Variants in DOCK4 observed in about 807,000 individuals in gnomAD.
DOCK4 encodes the protein dedicator of cytokinesis protein 4.
DOCK4 carries 97 observed loss-of-function variants against 268.1 expected under a neutral mutation model. That is an observed-to-expected ratio of 0.36 (90% confidence interval 0.31 to 0.43). The LOEUF is 0.43. Ranked by LOEUF, DOCK4 falls within the 20% of genes least tolerant of loss-of-function variation. The pLI is 1.00. For missense variants in DOCK4, 2,145 were observed against 2,455.7 expected, an observed-to-expected ratio of 0.87 and a Z score of 2.67; for synonymous variants, 954 against 887.2, an observed-to-expected ratio of 1.08 and a Z score of -1.34.
chr7:112,069,104 C>A (rs1460412608), intron 1 of DOCK4, among the ~76,000 whole-genome samples: 1 of 152,090 alleles, frequency 6.6e-6, no homozygotes, highest in Admixed American at 6.6e-5. Context: ...ATTCTGAGTG[C>A]CCAAATGATT....
chr7:111,942,597 G>A, intron 10 of DOCK4, among the ~76,000 whole-genome samples: 1 of 151,980 alleles, frequency 6.6e-6, no homozygotes, highest in East Asian at 1.9e-4. Flanking sequence ...GCTCTGTCCT[G>A]ACTCATCCCG....
chr7:111,750,372 CCAGT>C (rs1187547117), intron 42 of DOCK4, among the ~76,000 whole-genome samples: 2 of 152,150 alleles, frequency 1.3e-5, no homozygotes, highest in South Asian at 2.1e-4. Context: ...CCTAAAGTCC[CCAGT>C]CAAAGGATTT....
At chr7:112,124,071 C>G (rs778065795) in intron 1 of DOCK4, among the ~76,000 whole-genome samples, 1 of 151,786 alleles carries the variant, frequency 6.6e-6, no homozygotes, top group African/African-American at 2.4e-5. Flanking sequence ...GTTGTCCAGG[C>G]TGGAATGCAG....
intron 1 of DOCK4, among the ~76,000 whole-genome samples, chr7:112,194,178 C>G (rs1446660050): frequency 6.6e-6 from 1 of 152,130 alleles, no homozygotes. Flanking sequence ...TAAATAAAAC[C>G]TCTTCAAATT....
chr7:111,732,037 T>A (rs1413181828), intron 52 of DOCK4, among the ~76,000 whole-genome samples, 189 bp downstream of exon 52: 1 of 152,218 alleles, frequency 6.6e-6, no homozygotes, highest in Non-Finnish European at 1.5e-5. Flanking sequence ...AATGGCTGCG[T>A]TTGTGCAGGA....
At chr7:111,930,308 T>C (rs181580777) in intron 12 of DOCK4, among the ~76,000 whole-genome samples, 2 of 152,302 alleles carry the variant, frequency 1.3e-5, no homozygotes, top group Admixed American at 1.3e-4. Context: ...TAATGTACCT[T>C]TGCAACATAA....
chr7:111,800,431 C>A (rs28718447), intron 30 of DOCK4, among the ~76,000 whole-genome samples: 3,988 of 152,230 alleles, frequency 0.026, 155 homozygotes, highest in African/African-American at 0.089. Context: ...GCCTAAAATT[C>A]CTCTCTAATG....
chr7:111,822,231 CA>C (rs1354802982), intron 27 of DOCK4, 130 bp downstream of exon 27: 9 of 672,726 alleles, frequency 1.3e-5, no homozygotes, highest in South Asian at 1.0e-4. Flanking sequence ...CAAGTGGTAA[CA>C]TTTTTTTAAA....
intron 11 of DOCK4, among the ~76,000 whole-genome samples, chr7:111,937,829 A>T (rs1272844973): frequency 6.6e-6 from 1 of 152,220 alleles, no homozygotes; most frequent in Non-Finnish European, 1.5e-5. Context: ...GCTAGGCAAC[A>T]TGGGGCAAGT....
In DOCK4 at chr7:111,900,607, AC is replaced by A. The variant is rs1349797400; in HGVS notation, c.1318-72del. On this transcript the variant is annotated intron_variant, in intron 14 of 52. Coordinates refer to ENST00000428084, the MANE Select transcript of DOCK4 (RefSeq NM_001363540.2). ...GATCTTTTGAAAAGGCAGAGCAATC[AC>A]TTTGCTCTATCTGCCTGCCTCTCAA... The A allele has an allele frequency of 2.7e-6, 4 of 1,471,834 alleles. No individual in the cohort carries two copies. The East Asian group carries it at 9.8e-5, about 36-fold the overall frequency. 91.2% of individuals were successfully genotyped at this position (1,471,834 alleles called of 1,614,324 possible). A position where few individuals can be genotyped will look rare whatever the true frequency, so the allele number is the denominator to read the frequency against.
Position 111,809,421 on chromosome 7 carries a change from T to C in DOCK4, c.3007-20A>G. On this transcript the variant is annotated intron_variant, in intron 28 of 52. Coordinates refer to ENST00000428084, the MANE Select transcript of DOCK4 (RefSeq NM_001363540.2). Reference sequence around the variant, plus strand: ...CCAGATCTAAAACAAGAACAAGATATATCAATACTATGGTGTTACAAGCAT... The same window carrying C: ...CCAGATCTAAAACAAGAACAAGATACATCAATACTATGGTGTTACAAGCAT... The C allele has an allele frequency of 3.9e-6, 6 of 1,522,988 alleles. No individual in the cohort carries two copies. The highest frequency in any genetic ancestry group is 1.2e-5 in the South Asian group (1 of 83,474). The allele number at this position is 1,522,988 out of a possible 1,614,324, so 94.3% of individuals were successfully genotyped here. A position where few individuals can be genotyped will look rare whatever the true frequency, so the allele number is the denominator to read the frequency against.
chr7:111,936,535 T>TGGAC (rs1562910917), intron 11 of DOCK4, among the ~76,000 whole-genome samples: 16 of 151,746 alleles, frequency 1.1e-4, no homozygotes. Flanking sequence ...GATGGACGGA[T>TGGAC]GGATGGATGT....
chr7:111,804,855 C>T (rs1315220539), intron 30 of DOCK4, among the ~76,000 whole-genome samples: 1 of 152,186 alleles, frequency 6.6e-6, no homozygotes, highest in Non-Finnish European at 1.5e-5. Flanking sequence ...CCACCTCAGC[C>T]TCCCAAAATG....
chr7:111,806,197 C>T (rs182059539), intron 30 of DOCK4, among the ~76,000 whole-genome samples: 194 of 152,252 alleles, frequency 1.3e-3, no homozygotes, highest in Middle Eastern at 3.4e-3. Flanking sequence ...CATTCAAATT[C>T]TCAACATGAC....
intron 16 of DOCK4, among the ~76,000 whole-genome samples, chr7:111,895,187 A>AT (rs1380498051): frequency 1.3e-5 from 2 of 152,224 alleles, no homozygotes; most frequent in Admixed American, 6.5e-5. Flanking sequence ...TCATGATGAA[A>AT]TACAGCCACT....
chr7:112,113,734 A>ATTTTTTTTTTTTTTTTTTTTTTTTTT (rs57672966), intron 1 of DOCK4, among the ~76,000 whole-genome samples: 2 of 49,506 alleles, frequency 4.0e-5, no homozygotes, highest in Non-Finnish European at 7.4e-5. Context: ...TACTTGGCTG[A>ATTTTTTTTTTTTTTTTTTTTTTTTTT]TTTTTTTTTT....
chr7:112,133,758 A>T (rs1814040730), intron 1 of DOCK4, among the ~76,000 whole-genome samples: 1 of 152,202 alleles, frequency 6.6e-6, no homozygotes, highest in African/African-American at 2.4e-5. Context: ...AAAATTAAAA[A>T]ATAAAATGGC....
chr7:111,840,811 T>A, intron 25 of DOCK4: 2 of 1,346,780 alleles, frequency 1.5e-6, no homozygotes, highest in Non-Finnish European at 2.0e-6. Context: ...CTGCACAGAC[T>A]GAAAAGGTGC....
intron 1 of DOCK4, among the ~76,000 whole-genome samples, chr7:112,157,305 C>T (rs1175998787): frequency 6.6e-6 from 1 of 152,106 alleles, no homozygotes; most frequent in East Asian, 1.9e-4. Flanking sequence ...ATCCAATACC[C>T]ACCTTGTAGC....
Sources: gnomAD v4.1 joint callset for allele counts (sites outside exome capture counted in the v4.1 genomes callset) on GRCh38, gnomAD v4.1.1 for gene constraint, MANE v1.5 for transcripts, NCBI Gene and HGNC (gene_info 2026-07-23, HGNC 2026-07-21) for gene names.